Variants in RORA observed in about 807,000 individuals in gnomAD.
The protein encoded by RORA is nuclear receptor ROR-alpha.
Under a neutral mutation model 69.5 loss-of-function variants are expected in RORA, and 7 were observed. The observed-to-expected ratio is 0.10, with a 90% CI of 0.06 to 0.19. The LOEUF (loss-of-function observed/expected upper bound fraction) is 0.19, where lower values mean the gene tolerates loss of function less well. RORA is among the 10% of genes least tolerant of loss of function. RORA has a pLI of 1.00. For synonymous variants in RORA, 261 were observed against 240.8 expected, an observed-to-expected ratio of 1.08 and a Z score of -0.78; for missense variants, 457 against 663.0, an observed-to-expected ratio of 0.69 and a Z score of 3.41.
At chr15:61,134,471 C>G (rs1350585978) in intron 1 of RORA, among the ~76,000 whole-genome samples, 1 of 152,152 alleles carries the variant, frequency 6.6e-6, no homozygotes, top group Non-Finnish European at 1.5e-5. Context: ...AAGGCAGGAG[C>G]AAAGAATCCC....
chr15:60,784,998 C>A (rs1487769030), intron 1 of RORA, among the ~76,000 whole-genome samples: 1 of 152,172 alleles, frequency 6.6e-6, no homozygotes, highest in Non-Finnish European at 1.5e-5. Context: ...GCCAGATCCC[C>A]CAACCCAAGG....
intron 1 of RORA, among the ~76,000 whole-genome samples, chr15:60,867,489 A>T (rs1347171322): frequency 6.6e-6 from 1 of 152,196 alleles, no homozygotes; most frequent in Non-Finnish European, 1.5e-5. Context: ...ATCAGGTGTC[A>T]TATGTGAAGT....
At chr15:60,685,570 G>A (rs2070731841) in intron 1 of RORA, among the ~76,000 whole-genome samples, 1 of 152,200 alleles carries the variant, frequency 6.6e-6, no homozygotes, top group Non-Finnish European at 1.5e-5. Context: ...CACAGCCCGA[G>A]TAGGGCCTCG....
At chr15:60,782,203 G>A (rs1026001849) in intron 1 of RORA, among the ~76,000 whole-genome samples, 2 of 151,996 alleles carry the variant, frequency 1.3e-5, no homozygotes, top group Non-Finnish European at 2.9e-5. Context: ...CCAGACTGGC[G>A]ACAGAGTGAG....
chr15:60,545,069 T>A (rs2067026167), intron 2 of RORA: 1 of 152,200 alleles, frequency 6.6e-6, no homozygotes, highest in African/African-American at 2.4e-5. Context: ...AAAGCCAAAC[T>A]GTTCACCACG....
chr15:61,113,519 T>C (rs2079025094), intron 1 of RORA, among the ~76,000 whole-genome samples: 1 of 152,094 alleles, frequency 6.6e-6, no homozygotes, highest in South Asian at 2.1e-4. Flanking sequence ...CTAGGTCAGG[T>C]TCTCTTGAGG....
intron 2 of RORA, among the ~76,000 whole-genome samples, chr15:60,584,992 A>G (rs1018445683): frequency 6.6e-6 from 1 of 152,120 alleles, no homozygotes; most frequent in African/African-American, 2.4e-5. Context: ...CTGCAATTTC[A>G]TCTTTCTAAT....
chr15:60,909,605 A>G (rs918879441), intron 1 of RORA, among the ~76,000 whole-genome samples: 1 of 152,346 alleles, frequency 6.6e-6, no homozygotes, highest in Admixed American at 6.5e-5. Context: ...AAAGTAGCCA[A>G]TCTACTTCCC....
At chr15:60,949,546 C>G (rs1284795497) in intron 1 of RORA, among the ~76,000 whole-genome samples, 1 of 152,208 alleles carries the variant, frequency 6.6e-6, no homozygotes, top group African/African-American at 2.4e-5. Flanking sequence ...AGAGCCCTCT[C>G]CACTTCTGCT....
At chr15:60,763,133 TGAAAACTGAGTTGG>T (rs1314658853) in intron 1 of RORA, among the ~76,000 whole-genome samples, 1 of 130,788 alleles carries the variant, frequency 7.6e-6, no homozygotes, top group African/African-American at 2.9e-5. Flanking sequence ...CTGCAGATGG[TGAAAACTGAGTTGG>T]GAAAACTGCA....
chr15:61,116,368 A>G (rs1596002225), intron 1 of RORA, among the ~76,000 whole-genome samples: 1 of 152,292 alleles, frequency 6.6e-6, no homozygotes, highest in East Asian at 1.9e-4. Context: ...GGCTATGTAT[A>G]CCACTGGCCT....
chr15:60,510,071 G>A (rs888200422), intron 5 of RORA, among the ~76,000 whole-genome samples: 2 of 152,204 alleles, frequency 1.3e-5, no homozygotes, highest in African/African-American at 2.4e-5. Flanking sequence ...CAGAGGTAGA[G>A]AAACCGTCTA....
At position 60,497,356 on chromosome 15, in the gene RORA, C is replaced by A; in HGVS notation, c.*99G>T. 1 of 984,838 alleles carries A rather than the reference C, an allele frequency of 1.0e-6. No individual in the cohort carries two copies. The highest frequency in any genetic ancestry group is 1.5e-6 in the Non-Finnish European group (1 of 653,752). 61.0% of individuals were successfully genotyped at this position (984,838 alleles called of 1,614,324 possible). On this transcript the variant is annotated 3_prime_UTR_variant, in exon 11 of 11. Coordinates refer to ENST00000335670, the MANE Select transcript of RORA (RefSeq NM_134261.3). ...AAAAGATGTGCAGTGTGTGGCGCTCCAGGTCTGTGCAGGGCCATATAAAGT... is the reference window on the plus strand; with the variant it reads ...AAAAGATGTGCAGTGTGTGGCGCTCAAGGTCTGTGCAGGGCCATATAAAGT...
chr15:60,789,973 G>A (rs2140347042), intron 1 of RORA, among the ~76,000 whole-genome samples: 1 of 152,334 alleles, frequency 6.6e-6, no homozygotes, highest in Non-Finnish European at 1.5e-5. Flanking sequence ...CAGCACAGCA[G>A]CCTATAGATG....
intron 1 of RORA, among the ~76,000 whole-genome samples, chr15:61,066,335 C>T (rs1434441577): frequency 6.6e-6 from 1 of 150,468 alleles, no homozygotes; most frequent in Non-Finnish European, 1.5e-5. Context: ...TTTCTTTCAT[C>T]TGGGAAACTT....
At chr15:60,741,924 T>C (rs1378861068) in intron 1 of RORA, among the ~76,000 whole-genome samples, 1 of 152,106 alleles carries the variant, frequency 6.6e-6, no homozygotes, top group Admixed American at 6.6e-5. Flanking sequence ...AACATGCCAC[T>C]CCCTGCCAAG....
At chr15:60,827,599 C>T (rs1275739983) in intron 1 of RORA, among the ~76,000 whole-genome samples, 1 of 152,192 alleles carries the variant, frequency 6.6e-6, no homozygotes, top group Non-Finnish European at 1.5e-5. Context: ...TTCAGACAAC[C>T]AGCTTGGAAG....
intron 1 of RORA, among the ~76,000 whole-genome samples, chr15:60,755,123 A>C: frequency 7.5e-6 from 1 of 133,656 alleles, no homozygotes; most frequent in African/African-American, 2.8e-5. Flanking sequence ...TCCTAATGCT[A>C]TCCCTCCCCC....
intron 1 of RORA, among the ~76,000 whole-genome samples, chr15:61,024,704 G>A (rs549434188): frequency 2.0e-5 from 3 of 152,036 alleles, no homozygotes; most frequent in African/African-American, 7.2e-5. Context: ...GCCCACCTCA[G>A]CCTCCAAAGT....
Sources: gnomAD v4.1 joint callset for allele counts (sites outside exome capture counted in the v4.1 genomes callset) on GRCh38, gnomAD v4.1.1 for gene constraint, MANE v1.5 for transcripts, NCBI Gene and HGNC (gene_info 2026-07-23, HGNC 2026-07-21) for gene names.